Variants in EXOC4 observed in about 807,000 individuals in gnomAD.
EXOC4 encodes exocyst complex component 4, also known as SEC8-like 1.
EXOC4 carries 71 observed loss-of-function variants against 107.2 expected under a neutral mutation model. The observed-to-expected ratio is 0.66, with a 90% CI of 0.55 to 0.81. EXOC4 has a LOEUF of 0.81. Ranked by LOEUF, EXOC4 falls within the 30% of genes least tolerant of loss-of-function variation. The probability of loss-of-function intolerance (pLI) is 0.00; values close to 1 mark genes in which losing one functional copy is unlikely to be tolerated. For synonymous variants in EXOC4, 456 were observed against 441.2 expected (o/e 1.03, Z -0.42); for missense variants, 1,108 against 1,189.6 (o/e 0.93, Z 1.01).
At chr7:134,011,382 C>G (rs973471271) in intron 17 of EXOC4, among the ~76,000 whole-genome samples, 1 of 152,088 alleles carries the variant, frequency 6.6e-6, no homozygotes, top group Non-Finnish European at 1.5e-5. Flanking sequence ...CCCTCTTTAC[C>G]CCATTTTGTT....
At chr7:133,925,160 A>G (rs533721355) in intron 13 of EXOC4, among the ~76,000 whole-genome samples, 1 of 152,366 alleles carries the variant, frequency 6.6e-6, no homozygotes, top group African/African-American at 2.4e-5. Context: ...CTTGGCACAT[A>G]GATGAATATA....
intron 10 of EXOC4, among the ~76,000 whole-genome samples, chr7:133,686,215 T>C (rs1794295665): frequency 6.6e-6 from 1 of 152,160 alleles, no homozygotes; most frequent in Non-Finnish European, 1.5e-5. Context: ...CCTTGGACTT[T>C]CCAGCCTTCA....
chr7:133,429,515 G>C (rs964176107), intron 7 of EXOC4, among the ~76,000 whole-genome samples: 4 of 152,128 alleles, frequency 2.6e-5, no homozygotes, highest in Non-Finnish European at 5.9e-5. Flanking sequence ...ACAGGGTTTT[G>C]CAACTATCAC....
At chr7:133,893,823 A>T in intron 11 of EXOC4, among the ~76,000 whole-genome samples, 1 of 62,240 alleles carries the variant, frequency 1.6e-5, no homozygotes, top group Non-Finnish European at 2.7e-5. Flanking sequence ...CTTCCCTTTG[A>T]GGGTAACCCG....
intron 2 of EXOC4, 49 bp downstream of exon 2, chr7:133,275,220 G>T (rs1242376612): frequency 2.1e-6 from 3 of 1,430,068 alleles, no homozygotes; most frequent in Admixed American, 4.6e-5. Flanking sequence ...CATCACTATA[G>T]GTGTTGCAGC....
chr7:133,792,483 G>A (rs1425912305), intron 10 of EXOC4, among the ~76,000 whole-genome samples: 1 of 147,270 alleles, frequency 6.8e-6, no homozygotes, highest in Non-Finnish European at 1.5e-5. Flanking sequence ...AGCCCGGAAG[G>A]TTGAGGCTGC....
chr7:134,009,566 T>C (rs1794720714), intron 17 of EXOC4, among the ~76,000 whole-genome samples: 1 of 152,116 alleles, frequency 6.6e-6, no homozygotes, highest in Admixed American at 6.5e-5. Context: ...AGGCTAAATT[T>C]GATGGAAAGC....
the EXOC4 span, among the ~76,000 whole-genome samples, chr7:134,085,282 C>G: frequency 2.0e-5 from 3 of 151,504 alleles, no homozygotes; most frequent in Non-Finnish European, 2.9e-5. Context: ...GAAGTAATAA[C>G]CTTCCAAAAA....
the EXOC4 span, among the ~76,000 whole-genome samples, chr7:134,091,591 C>A: frequency 6.6e-6 from 1 of 152,172 alleles, no homozygotes; most frequent in Non-Finnish European, 1.5e-5. Context: ...TTTTACGCAG[C>A]CCTTATTCAA....
the EXOC4 span, among the ~76,000 whole-genome samples, chr7:134,075,779 A>G: frequency 2.0e-5 from 3 of 152,226 alleles, no homozygotes; most frequent in Admixed American, 1.3e-4. Flanking sequence ...CTTCCCAACC[A>G]AAGCCATTTA....
chr7:133,985,769 A>G (rs1794098937), intron 14 of EXOC4, among the ~76,000 whole-genome samples: 1 of 152,174 alleles, frequency 6.6e-6, no homozygotes, highest in Non-Finnish European at 1.5e-5. Context: ...TTCAGGAAGC[A>G]TTTTTTAAAT....
At chr7:133,361,790 G>A (rs1796142376) in intron 6 of EXOC4, among the ~76,000 whole-genome samples, 1 of 152,172 alleles carries the variant, frequency 6.6e-6, no homozygotes, top group Non-Finnish European at 1.5e-5. Flanking sequence ...ATATATGGAT[G>A]TATTACTTCA....
At chr7:133,500,034 T>G (rs1293987575) in intron 9 of EXOC4, among the ~76,000 whole-genome samples, 1 of 152,162 alleles carries the variant, frequency 6.6e-6, no homozygotes, top group African/African-American at 2.4e-5. Context: ...GTTAAGTTAC[T>G]TGATTATAGT....
chr7:133,515,972 G>C (rs947445063), intron 9 of EXOC4, among the ~76,000 whole-genome samples: 1 of 152,110 alleles, frequency 6.6e-6, no homozygotes, highest in Non-Finnish European at 1.5e-5. Context: ...TTGTCACCTA[G>C]TTGCTCTTCA....
At position 133,550,021 on chromosome 7, in the gene EXOC4, A is replaced by G. The variant is rs527468066; in HGVS notation, c.1417+69883A>G. 9.2e-5 allele frequency among the ~76,000 whole-genome samples: 14 copies of G among 152,232 alleles called. No homozygotes were observed. The East Asian group carries it at 2.3e-3, about 25-fold the overall frequency. Reference sequence around the variant, plus strand: ...ACAAAACCAGTGGATTTTGTTTCTCAGTTGGCTATTTCTTATGAATGAAAT... The same window carrying G: ...ACAAAACCAGTGGATTTTGTTTCTCGGTTGGCTATTTCTTATGAATGAAAT... On this transcript the variant is annotated intron_variant, in intron 9 of 17. Transcript: ENST00000253861.
chr7:133,348,434 A>T (rs957296055), intron 5 of EXOC4, among the ~76,000 whole-genome samples: 1 of 152,182 alleles, frequency 6.6e-6, no homozygotes, highest in African/African-American at 2.4e-5. Flanking sequence ...TACATGTGAC[A>T]TAATCTCAAG....
At chr7:133,958,668 G>A (rs867219455) in intron 14 of EXOC4, among the ~76,000 whole-genome samples, 3 of 152,270 alleles carry the variant, frequency 2.0e-5, no homozygotes, top group Middle Eastern at 3.4e-3. Context: ...CATTGAAAGA[G>A]GAAATGAAGA....
At chr7:133,774,297 G>A (rs1016706714) in intron 10 of EXOC4, among the ~76,000 whole-genome samples, 1 of 152,034 alleles carries the variant, frequency 6.6e-6, no homozygotes, top group Non-Finnish European at 1.5e-5. Context: ...CTTTCTAAAT[G>A]AATGCAGCCT....
intron 14 of EXOC4, among the ~76,000 whole-genome samples, chr7:133,952,759 G>C (rs1162929412): frequency 1.3e-5 from 2 of 152,172 alleles, no homozygotes; most frequent in African/African-American, 4.8e-5. Context: ...GTTGTTTTGT[G>C]ACTGACTTGT....
Sources: gnomAD v4.1 joint callset for allele counts (sites outside exome capture counted in the v4.1 genomes callset) on GRCh38, gnomAD v4.1.1 for gene constraint, MANE v1.5 for transcripts, NCBI Gene and HGNC (gene_info 2026-07-23, HGNC 2026-07-21) for gene names.